GLRB: variants seen among roughly 807,000 people sequenced by gnomAD.
GLRB encodes glycine receptor beta.
In GLRB, 33 loss-of-function variants were observed where a neutral mutation model predicts 54.2. That is an observed-to-expected ratio of 0.61 (90% CI 0.46 to 0.81). GLRB has a LOEUF of 0.81. Among genes scored for constraint, GLRB ranks in the 40% least tolerant of loss-of-function variants. The pLI, the probability that GLRB is intolerant of heterozygous loss-of-function variation, is 0.00. For missense variants in GLRB, 572 were observed against 584.6 expected (o/e 0.98, Z 0.22); for synonymous variants, 209 against 208.2 (o/e 1.00, Z -0.03).
intron 4 of GLRB, among the ~76,000 whole-genome samples, chr4:157,131,393 CCA>C (rs1429323113): frequency 6.6e-6 from 1 of 151,694 alleles, no homozygotes; most frequent in Non-Finnish European, 1.5e-5. Context: ...GATAAACACA[CCA>C]AATTGATACA....
intron 2 of GLRB, among the ~76,000 whole-genome samples, chr4:157,107,911 G>C (rs998331219): frequency 1.3e-5 from 2 of 152,068 alleles, no homozygotes; most frequent in African/African-American, 2.4e-5. Context: ...CTGGTGACTT[G>C]AAGTTGAAGT....
At chr4:157,079,753 A>AT (rs1734159992) in intron 2 of GLRB, among the ~76,000 whole-genome samples, 1 of 152,174 alleles carries the variant, frequency 6.6e-6, no homozygotes, top group Non-Finnish European at 1.5e-5. Context: ...GGAGATTAGC[A>AT]TTTTAGGGAA....
At chr4:157,124,517 C>T (rs1024031818) in intron 4 of GLRB, among the ~76,000 whole-genome samples, 1 of 151,584 alleles carries the variant, frequency 6.6e-6, no homozygotes, top group African/African-American at 2.4e-5. Flanking sequence ...CAATGGTGAA[C>T]ACATAAATAA....
intron 1 of GLRB, among the ~76,000 whole-genome samples, chr4:157,077,470 C>A (rs1734079998): frequency 6.6e-6 from 1 of 151,880 alleles, no homozygotes; most frequent in African/African-American, 2.4e-5. Context: ...TTAACTTTTT[C>A]TTTTATCTGT....
At chr4:157,116,700 G>C (rs552614977) in intron 2 of GLRB, among the ~76,000 whole-genome samples, 178 of 151,678 alleles carry the variant, frequency 1.2e-3, no homozygotes, top group African/African-American at 4.1e-3. Flanking sequence ...TGTTATTTTA[G>C]TATTGATAAG....
At chr4:157,142,899 T>C (rs1196804988) in intron 7 of GLRB, among the ~76,000 whole-genome samples, 1 of 152,176 alleles carries the variant, frequency 6.6e-6, no homozygotes, top group Non-Finnish European at 1.5e-5. Flanking sequence ...ATTTAAATAG[T>C]TAACTGAAAA....
chr4:157,086,136 C>T (rs1278149404), intron 2 of GLRB, among the ~76,000 whole-genome samples: 1 of 152,080 alleles, frequency 6.6e-6, no homozygotes, highest in Non-Finnish European at 1.5e-5. Context: ...AGCCTACTCG[C>T]CTATTTTGGG....
intron 2 of GLRB, among the ~76,000 whole-genome samples, chr4:157,113,996 C>T (rs1735513595): frequency 6.6e-6 from 1 of 151,868 alleles, no homozygotes; most frequent in Non-Finnish European, 1.5e-5. Context: ...ATAAAAAATA[C>T]TCCACAATAA....
chr4:157,127,154 T>G (rs1208790236), intron 4 of GLRB, among the ~76,000 whole-genome samples: 2 of 151,754 alleles, frequency 1.3e-5, no homozygotes, highest in African/African-American at 2.4e-5. Context: ...ATTTTATATA[T>G]TTTTATATTT....
At chr4:157,161,389 G>A (rs1364594020) in intron 9 of GLRB, among the ~76,000 whole-genome samples, 3 of 152,142 alleles carry the variant, frequency 2.0e-5, no homozygotes, top group Non-Finnish European at 4.4e-5. Flanking sequence ...TTAGCTGGTT[G>A]TTTTGCTCAT....
chr4:157,171,894 A>ATT lies in GLRB; in HGVS notation c.*1169_*1170dup, dbSNP rs2126640041. 6.6e-6 allele frequency: 1 copy of ATT among 151,972 alleles called. No homozygotes were observed. Among genetic ancestry groups the ATT allele is most frequent in the African/African-American group, 2.4e-5 (1 of 41,562 alleles). The allele number at this position is 151,972 out of a possible 1,614,324, so 9.4% of individuals were successfully genotyped here. A position where few individuals can be genotyped will look rare whatever the true frequency, so the allele number is the denominator to read the frequency against. ...AATCCAAAAGTAAGCACTAAGTCTC[A>ATT]TTTTATGAGACCACCATTTCTTAAT... is the stretch of plus-strand genomic sequence containing the variant. On this transcript the variant is annotated 3_prime_UTR_variant, in exon 10 of 10. Coordinates refer to ENST00000264428, the MANE Select transcript of GLRB (RefSeq NM_000824.5).
intron 7 of GLRB, 98 bp downstream of exon 7, chr4:157,139,047 T>C: frequency 1.5e-6 from 1 of 676,170 alleles, no homozygotes; most frequent in South Asian, 1.8e-5. Flanking sequence ...TGGCCAAAAC[T>C]TAAAATTAAA....
At chr4:157,138,764 T>A in intron 6 of GLRB, 45 bp from the exon 7 acceptor site, 1 of 933,666 alleles carries the variant, frequency 1.1e-6, no homozygotes, top group Non-Finnish European at 1.7e-6. Flanking sequence ...TAAAAAGCAT[T>A]ATTAATTATA....
intron 8 of GLRB, among the ~76,000 whole-genome samples, chr4:157,152,331 T>C (rs901500635): frequency 6.6e-6 from 1 of 152,142 alleles, no homozygotes; most frequent in African/African-American, 2.4e-5. Flanking sequence ...GCTCTATAAC[T>C]GAAATCTTTC....
intron 2 of GLRB, among the ~76,000 whole-genome samples, chr4:157,115,026 A>G (rs1384237008): frequency 2.1e-5 from 2 of 95,286 alleles, no homozygotes; most frequent in African/African-American, 8.1e-5. Flanking sequence ...CACCAATTAG[A>G]AAGCAGAAGA....
At chr4:157,084,251 A>G (rs62330456) in intron 2 of GLRB, among the ~76,000 whole-genome samples, 26,845 of 152,114 alleles carry the variant, frequency 0.18, 2,514 homozygotes, top group East Asian at 0.28. Context: ...CTACCGTTAG[A>G]GAAACTTCTA....
At chr4:157,167,857 G>A (rs1737770859) in intron 9 of GLRB, among the ~76,000 whole-genome samples, 1 of 152,160 alleles carries the variant, frequency 6.6e-6, no homozygotes, top group South Asian at 2.1e-4. Context: ...GGAAGGTGCA[G>A]GAAAGCTGGC....
chr4:157,124,272 T>A (rs748321236), intron 4 of GLRB, among the ~76,000 whole-genome samples: 1 of 151,782 alleles, frequency 6.6e-6, no homozygotes, highest in Non-Finnish European at 1.5e-5. Context: ...ATTCTTGATC[T>A]TCTTCTCTTC....
intron 4 of GLRB, among the ~76,000 whole-genome samples, chr4:157,122,892 G>A (rs892516740): frequency 6.6e-6 from 1 of 151,592 alleles, no homozygotes; most frequent in South Asian, 2.1e-4. Context: ...CAATGTGAAC[G>A]CCTTGAAAAG....
Sources: gnomAD v4.1 joint callset for allele counts (sites outside exome capture counted in the v4.1 genomes callset) on GRCh38, gnomAD v4.1.1 for gene constraint, MANE v1.5 for transcripts, NCBI Gene and HGNC (gene_info 2026-07-23, HGNC 2026-07-21) for gene names.